The following ERC1 variants were observed in gnomAD, a reference collection of about 807,000 sequenced individuals.
ERC1 encodes RAB6 interacting protein 2.
Under a neutral mutation model 132.0 loss-of-function variants are expected in ERC1, and 56 were observed. That is an observed-to-expected ratio of 0.42 (90% confidence interval 0.34 to 0.53). The LOEUF (loss-of-function observed/expected upper bound fraction) is 0.53, where lower values mean the gene tolerates loss of function less well. Ranked by LOEUF, ERC1 falls within the 20% of genes least tolerant of loss-of-function variation. The pLI is 0.03. For missense variants in ERC1, 1,202 were observed against 1,349.9 expected (o/e 0.89, Z 1.72); for synonymous variants, 478 against 476.1 (o/e 1.00, Z -0.05).
At chr12:1,444,441 G>T in intron 17 of ERC1, 121 bp from the exon 18 acceptor site, 1 of 658,954 alleles carries the variant, frequency 1.5e-6, no homozygotes, top group Non-Finnish European at 2.5e-6. Flanking sequence ...GATTAGAAGA[G>T]CTTTAGTCTT....
intron 17 of ERC1, among the ~76,000 whole-genome samples, chr12:1,425,621 T>G (rs1012884381): frequency 6.6e-6 from 1 of 152,250 alleles, no homozygotes; most frequent in African/African-American, 2.4e-5. Context: ...ACAGAATGAC[T>G]GTGAGACAAT....
At chr12:1,263,966 AGGCGTGAGC>A (rs1424931387) in intron 14 of ERC1, among the ~76,000 whole-genome samples, 1 of 152,010 alleles carries the variant, frequency 6.6e-6, no homozygotes, top group Non-Finnish European at 1.5e-5. Context: ...CTGGGATTAC[AGGCGTGAGC>A]CACTGTGCCC....
intron 3 of ERC1, among the ~76,000 whole-genome samples, chr12:1,098,636 G>A (rs1944322899): frequency 6.6e-6 from 1 of 152,230 alleles, no homozygotes; most frequent in African/African-American, 2.4e-5. Context: ...ACCAGATGAT[G>A]GGTGAGATTG....
chr12:1,477,234 G>T (rs542434667), intron 18 of ERC1, among the ~76,000 whole-genome samples: 2 of 152,200 alleles, frequency 1.3e-5, no homozygotes, highest in East Asian at 3.9e-4. Flanking sequence ...TACCTCAAAA[G>T]AAATAAATTT....
chr12:1,227,174 G>A (rs1175147468), intron 12 of ERC1, among the ~76,000 whole-genome samples: 1 of 152,190 alleles, frequency 6.6e-6, no homozygotes, highest in African/African-American at 2.4e-5. Flanking sequence ...TCATATGGTA[G>A]TTCTGTTTCT....
chr12:1,111,977 T>C (rs1945920862), intron 5 of ERC1, among the ~76,000 whole-genome samples: 1 of 152,166 alleles, frequency 6.6e-6, no homozygotes, highest in Non-Finnish European at 1.5e-5. Context: ...CATAGTGCCG[T>C]ATGATCTCTG....
chr12:1,362,336 T>C (rs1414065991), intron 15 of ERC1, among the ~76,000 whole-genome samples: 1 of 152,160 alleles, frequency 6.6e-6, no homozygotes, highest in African/African-American at 2.4e-5. Context: ...GCCCTAGACC[T>C]TTTCTCATCT....
At chr12:1,072,096 G>T (rs1940485913) in intron 2 of ERC1, among the ~76,000 whole-genome samples, 1 of 137,692 alleles carries the variant, frequency 7.3e-6, no homozygotes, top group East Asian at 2.0e-4. Context: ...GCAAGACTCT[G>T]TCTCAAAAAA....
chr12:1,242,910 G>A lies in ERC1; in HGVS notation c.2487+6006G>A, dbSNP rs551971689. On this transcript the variant is annotated intron_variant, in intron 13 of 18. Transcript: ENST00000360905. Reference sequence around the variant, plus strand: ...TTGGGTATTAGAAGAAATCGAGGCCGGGCGCGGTGGCTCACGCCTGTAATC... The same window carrying A: ...TTGGGTATTAGAAGAAATCGAGGCCAGGCGCGGTGGCTCACGCCTGTAATC... Among the ~76,000 whole-genome samples, 70 of 152,174 alleles carry A rather than the reference G, an allele frequency of 4.6e-4. No homozygotes were observed. The South Asian group carries it at 5.2e-3, about 11-fold the overall frequency.
chr12:1,004,904 G>A (rs1005722894), intron 1 of ERC1, among the ~76,000 whole-genome samples: 1 of 150,534 alleles, frequency 6.6e-6, no homozygotes, highest in South Asian at 2.1e-4. Flanking sequence ...AATTCAGGTT[G>A]CTGAACTTTT....
rs1474045307 is a variant in ERC1, at chr12:1,494,106, T to G, written c.*3876T>G. Reference sequence around the variant, plus strand: ...GAGCCAAGCAGAGAAGACCGCTGCGTGGAGTGTGACACCACATGGCATTTC... The same window carrying G: ...GAGCCAAGCAGAGAAGACCGCTGCGGGGAGTGTGACACCACATGGCATTTC... On this transcript the variant is annotated 3_prime_UTR_variant, in exon 19 of 19. Transcript: ENST00000360905. 3.0e-5 allele frequency: 7 copies of G among 231,942 alleles called. No homozygotes were observed. Among genetic ancestry groups the G allele is most frequent in the Non-Finnish European group, 5.1e-5 (6 of 117,362 alleles). The allele number at this position is 231,942 out of a possible 1,614,324, so 14.4% of individuals were successfully genotyped here.
chr12:1,455,807 T>C (rs889381514), intron 18 of ERC1, among the ~76,000 whole-genome samples: 2 of 152,206 alleles, frequency 1.3e-5, no homozygotes, highest in African/African-American at 2.4e-5. Flanking sequence ...AGGATTTGAG[T>C]CCTGCTTCCT....
intron 2 of ERC1, among the ~76,000 whole-genome samples, chr12:1,060,522 C>T (rs1450698348): frequency 6.6e-6 from 1 of 152,096 alleles, no homozygotes; most frequent in Admixed American, 6.5e-5. Context: ...TTTTTTACGG[C>T]TGCATAGTAT....
chr12:1,097,715 A>ATTTTTAAT (rs1944213421), intron 3 of ERC1, among the ~76,000 whole-genome samples: 1 of 137,454 alleles, frequency 7.3e-6, no homozygotes, highest in African/African-American at 2.7e-5. Flanking sequence ...TTAATTTTTA[A>ATTTTTAAT]TTTTTTTTTT....
chr12:990,156 A>G (rs1355089478), upstream of ERC1: 1 of 152,224 alleles, frequency 6.6e-6, no homozygotes, highest in Non-Finnish European at 1.5e-5. Flanking sequence ...GAGGCAGTAT[A>G]AAGTGGTTAA....
chr12:1,220,041 C>G (rs973687551), intron 12 of ERC1, among the ~76,000 whole-genome samples: 1 of 152,144 alleles, frequency 6.6e-6, no homozygotes, highest in East Asian at 1.9e-4. Context: ...TATACTCCAC[C>G]TATCAGCTTT....
chr12:1,453,416 A>C (rs1445011242), intron 18 of ERC1, among the ~76,000 whole-genome samples: 1 of 152,114 alleles, frequency 6.6e-6, no homozygotes, highest in Non-Finnish European at 1.5e-5. Context: ...TTGCTGCCCT[A>C]CCCCCAGAAG....
chr12:1,393,601 AAC>A (rs1385141297), intron 16 of ERC1, among the ~76,000 whole-genome samples: 1 of 111,798 alleles, frequency 8.9e-6, no homozygotes, highest in East Asian at 2.5e-4. Context: ...CTTTAGAGAG[AAC>A]ACACGTGTGT....
intron 11 of ERC1, among the ~76,000 whole-genome samples, chr12:1,189,572 C>A (rs16928262): frequency 0.055 from 8,316 of 152,228 alleles, 497 homozygotes; most frequent in African/African-American, 0.15. Context: ...GTTTGTCTCA[C>A]TAAACTCTGA....
Sources: allele counts gnomAD v4.1 joint callset (sites outside exome capture counted in the v4.1 genomes callset), GRCh38; gene constraint gnomAD v4.1.1; transcripts MANE v1.5; gene names NCBI Gene and HGNC (gene_info 2026-07-23, HGNC 2026-07-21).